Variants in APLF observed in about 807,000 individuals in gnomAD.
The protein encoded by APLF is aprataxin and PNKP like factor, also known as aprataxin and PNK-like factor.
Under a neutral mutation model 55.6 loss-of-function variants are expected in APLF, and 61 were observed. That is an observed-to-expected ratio of 1.10 (90% CI 0.89 to 1.36). The LOEUF (loss-of-function observed/expected upper bound fraction) is 1.36. Among genes scored for constraint, APLF ranks in the 40% most tolerant of loss-of-function variants. The pLI, the probability that APLF is intolerant of heterozygous loss-of-function variation, is 0.00. For synonymous variants in APLF, 207 were observed against 214.8 expected (o/e 0.96, Z 0.32); for missense variants, 611 against 602.5 (o/e 1.01, Z -0.15).
At chr2:68,577,114 A>G (rs1671647494) in intron 9 of APLF, among the ~76,000 whole-genome samples, 1 of 152,214 alleles carries the variant, frequency 6.6e-6, no homozygotes, top group Admixed American at 6.6e-5. Flanking sequence ...GAACTGTAAG[A>G]ATATCTTAGA....
chr2:68,544,689 G>T (rs1670651168), intron 7 of APLF, among the ~76,000 whole-genome samples: 1 of 152,014 alleles, frequency 6.6e-6, no homozygotes, highest in African/African-American at 2.4e-5. Context: ...AGACCGAAAA[G>T]TTTGAAAAAC....
chr2:68,538,583 A>G (rs1670463805), intron 7 of APLF, among the ~76,000 whole-genome samples: 1 of 133,316 alleles, frequency 7.5e-6, no homozygotes. Flanking sequence ...TGTCTACAAT[A>G]TAACTATAAT....
intron 9 of APLF, among the ~76,000 whole-genome samples, chr2:68,571,984 G>A (rs1671482672): frequency 6.6e-6 from 1 of 152,084 alleles, no homozygotes; most frequent in South Asian, 2.1e-4. Context: ...AATTTAGAAT[G>A]TTCCACTGAT....
At chr2:68,574,901 T>G (rs1444147558) in intron 9 of APLF, among the ~76,000 whole-genome samples, 3 of 152,188 alleles carry the variant, frequency 2.0e-5, no homozygotes, top group Non-Finnish European at 4.4e-5. Context: ...AGTAGTTGAT[T>G]TGCAAATGGT....
intron 1 of APLF, among the ~76,000 whole-genome samples, chr2:68,476,724 C>T (rs995716261): frequency 6.6e-6 from 1 of 151,872 alleles, no homozygotes; most frequent in Non-Finnish European, 1.5e-5. Flanking sequence ...ATAGTATTTT[C>T]AGTACAACCT....
intron 8 of APLF, among the ~76,000 whole-genome samples, chr2:68,549,066 C>A (rs1343158561): frequency 6.6e-6 from 1 of 151,930 alleles, no homozygotes; most frequent in South Asian, 2.1e-4. Context: ...ATCTACATTT[C>A]CCTATAGTGT....
chr2:68,480,716 T>G (rs1004435917), intron 1 of APLF, among the ~76,000 whole-genome samples: 1 of 152,162 alleles, frequency 6.6e-6, no homozygotes, highest in African/African-American at 2.4e-5. Flanking sequence ...AAAGGTTTCA[T>G]CTTTTCCCCT....
intron 8 of APLF, among the ~76,000 whole-genome samples, chr2:68,553,292 A>G (rs2104033321): frequency 6.6e-6 from 1 of 152,300 alleles, no homozygotes; most frequent in Non-Finnish European, 1.5e-5. Flanking sequence ...GCAAAATAAT[A>G]GAAATCCTTA....
At chr2:68,503,031 T>A in intron 3 of APLF, 128 bp downstream of exon 3, 1 of 929,710 alleles carries the variant, frequency 1.1e-6, no homozygotes, top group Non-Finnish European at 1.6e-6. Context: ...AATGTGTGTG[T>A]ACGCATGTGT....
At chr2:68,545,811 A>T (rs754766329) in intron 8 of APLF, among the ~76,000 whole-genome samples, 1 of 152,092 alleles carries the variant, frequency 6.6e-6, no homozygotes, top group African/African-American at 2.4e-5. Context: ...ATCTCATGAG[A>T]TTATGTTTGT....
chr2:68,556,691 C>T (rs767192986), intron 8 of APLF, among the ~76,000 whole-genome samples: 1 of 152,166 alleles, frequency 6.6e-6, no homozygotes, highest in Non-Finnish European at 1.5e-5. Context: ...AATCATGTAC[C>T]TTGCCTTGGA....
chr2:68,490,493 G>A (rs1473528452), intron 2 of APLF, among the ~76,000 whole-genome samples: 1 of 152,092 alleles, frequency 6.6e-6, no homozygotes, highest in Admixed American at 6.6e-5. Flanking sequence ...AAAGATGACT[G>A]CCAGTTCATG....
rs1218875755 is a variant in APLF, at chr2:68,579,031, G to T, written c.*1009G>T. 3.0e-6 allele frequency: 3 copies of T among 984,884 alleles called. No homozygotes were observed. The highest frequency in any genetic ancestry group is 3.6e-6 in the Non-Finnish European group (3 of 829,610). The allele number at this position is 984,884 out of a possible 1,614,324, so 61.0% of individuals were successfully genotyped here. A position where few individuals can be genotyped will look rare whatever the true frequency, so the allele number is the denominator to read the frequency against. ...ATGTAGTTTAGAATCTTTAATAACA[G>T]TTGGGTTGTGTACACAGAGCAGGAG... On this transcript the variant is annotated 3_prime_UTR_variant, in exon 10 of 10. Coordinates refer to ENST00000303795, the MANE Select transcript of APLF (RefSeq NM_173545.3).
chr2:68,537,582 C>G (rs895456149), intron 6 of APLF, among the ~76,000 whole-genome samples: 3 of 152,106 alleles, frequency 2.0e-5, no homozygotes, highest in Non-Finnish European at 4.4e-5. Flanking sequence ...GTTGGCCAGG[C>G]TGGTCTCAAA....
At chr2:68,575,539 G>A (rs1030758821) in intron 9 of APLF, among the ~76,000 whole-genome samples, 2 of 152,098 alleles carry the variant, frequency 1.3e-5, no homozygotes, top group Admixed American at 6.6e-5. Context: ...GGAGGATATT[G>A]TATTCAGGAA....
chr2:68,580,062 G>A lies in APLF; in HGVS notation c.*2040G>A, dbSNP rs1671729596. ...CTTCGTAGTAATGTAATAGTTCATG[G>A]TAGCTGCTTTTAACGATACAGTTTT... On this transcript the variant is annotated 3_prime_UTR_variant, in exon 10 of 10. Transcript: ENST00000303795. The A allele has an allele frequency of 2.2e-6, 2 of 928,390 alleles. No homozygotes were observed. The highest frequency in any genetic ancestry group is 3.6e-5 in the African/African-American group (2 of 56,040). The allele number at this position is 928,390 out of a possible 1,614,324, so 57.5% of individuals were successfully genotyped here. A position where few individuals can be genotyped will look rare whatever the true frequency, so the allele number is the denominator to read the frequency against.
intron 2 of APLF, among the ~76,000 whole-genome samples, chr2:68,501,289 T>G (rs892410247): frequency 3.3e-5 from 5 of 152,190 alleles, no homozygotes; most frequent in Non-Finnish European, 5.9e-5. Context: ...TTTTTGTGGT[T>G]GTTATTGCTC....
At chr2:68,528,547 A>G in intron 6 of APLF, 1 of 1,533,956 alleles carries the variant, frequency 6.5e-7, no homozygotes, top group Non-Finnish European at 8.7e-7. Flanking sequence ...TTGATCCAAG[A>G]GCTGCAGGAT....
intron 9 of APLF, among the ~76,000 whole-genome samples, chr2:68,571,869 A>G (rs568080739): frequency 1.1e-4 from 17 of 152,138 alleles, no homozygotes; most frequent in Admixed American, 2.6e-4. Context: ...GACAACATTT[A>G]AAGGAAATTA....
Sources: gnomAD v4.1 joint callset for allele counts (sites outside exome capture counted in the v4.1 genomes callset) on GRCh38, gnomAD v4.1.1 for gene constraint, MANE v1.5 for transcripts, NCBI Gene and HGNC (gene_info 2026-07-23, HGNC 2026-07-21) for gene names.